Variants in CDK6 observed in about 807,000 individuals in gnomAD.
CDK6 encodes the protein cyclin dependent kinase 6.
CDK6 carries 6 observed loss-of-function variants against 37.1 expected under a neutral mutation model. The ratio of observed to expected loss-of-function variants is 0.16; its 90% CI spans 0.09 to 0.32. The LOEUF (loss-of-function observed/expected upper bound fraction) is 0.32. Ranked by LOEUF, CDK6 falls within the 10% of genes least tolerant of loss-of-function variation. The pLI is 1.00. For synonymous variants in CDK6, 160 were observed against 161.3 expected (o/e 0.99, Z 0.06); for missense variants, 224 against 418.9 (o/e 0.53, Z 4.06).
intron 2 of CDK6, among the ~76,000 whole-genome samples, chr7:92,819,381 T>TAA (rs908904478): frequency 6.6e-6 from 1 of 152,032 alleles, no homozygotes; most frequent in African/African-American, 2.4e-5. Context: ...GCAGGGGTCC[T>TAA]GGTAGAGGGA....
chr7:92,697,206 C>T (rs1418982733), intron 4 of CDK6, among the ~76,000 whole-genome samples: 2 of 152,130 alleles, frequency 1.3e-5, no homozygotes, highest in African/African-American at 4.8e-5. Flanking sequence ...CATTACAGAC[C>T]AAACAACCTG....
At chr7:92,733,330 G>C (rs1273829872) in intron 3 of CDK6, among the ~76,000 whole-genome samples, 1 of 152,084 alleles carries the variant, frequency 6.6e-6, no homozygotes, top group Non-Finnish European at 1.5e-5. Flanking sequence ...GGCTCATCCT[G>C]TTTACCCCAC....
chr7:92,680,742 T>A (rs899642919), intron 4 of CDK6, among the ~76,000 whole-genome samples: 1 of 152,200 alleles, frequency 6.6e-6, no homozygotes, highest in African/African-American at 2.4e-5. Flanking sequence ...TCCCATCACC[T>A]GCTATTGCTG....
chr7:92,752,184 C>T (rs1799205179), intron 3 of CDK6, among the ~76,000 whole-genome samples: 1 of 152,108 alleles, frequency 6.6e-6, no homozygotes, highest in Non-Finnish European at 1.5e-5. Context: ...GTCCTAGGCT[C>T]AGCTTTGAGA....
intron 3 of CDK6, among the ~76,000 whole-genome samples, chr7:92,766,080 T>C (rs181603217): frequency 1.1e-3 from 166 of 152,180 alleles, no homozygotes; most frequent in African/African-American, 3.4e-3. Context: ...CTAGATCATG[T>C]AGGACTTCTG....
At chr7:92,795,383 A>G (rs1217849061) in intron 2 of CDK6, among the ~76,000 whole-genome samples, 1 of 152,164 alleles carries the variant, frequency 6.6e-6, no homozygotes, top group Non-Finnish European at 1.5e-5. Context: ...TACATTCAGT[A>G]TACATTTGAG....
chr7:92,743,290 C>T (rs1368507801), intron 3 of CDK6, among the ~76,000 whole-genome samples: 1 of 151,604 alleles, frequency 6.6e-6, no homozygotes, highest in Admixed American at 6.6e-5. Context: ...GCAGGAGAAT[C>T]GCTTGAACCA....
At chr7:92,776,072 C>T (rs1799844757) in intron 2 of CDK6, among the ~76,000 whole-genome samples, 1 of 151,198 alleles carries the variant, frequency 6.6e-6, no homozygotes, top group Admixed American at 6.6e-5. Context: ...ACCCCCCCAC[C>T]CCGACAGGCC....
chr7:92,812,518 A>C (rs1800911611), intron 2 of CDK6, among the ~76,000 whole-genome samples: 1 of 151,946 alleles, frequency 6.6e-6, no homozygotes, highest in Non-Finnish European at 1.5e-5. Flanking sequence ...CCTAGGCTCA[A>C]GCCTTGATCT....
rs42034 is a variant in CDK6 at position 92,609,830 on chromosome 7, A to G, written c.*5310T>C. The G allele has an allele frequency of 0.2, 46,538 of 230,198 alleles. 5,391 individuals are homozygous for G. Among genetic ancestry groups the G allele is most frequent in the Middle Eastern group, 0.26 (199 of 768 alleles). The allele number at this position is 230,198 out of a possible 1,614,324, so 14.3% of individuals were successfully genotyped here. On this transcript the variant is annotated 3_prime_UTR_variant, in exon 8 of 8. Transcript: ENST00000424848. ...TCAAAAATTTTTTCTTGACTGAATG[A>G]ATGACTAGGCTTTCTTTACTTAAAT...
At chr7:92,688,581 TCACACA>T (rs35953301) in intron 4 of CDK6, among the ~76,000 whole-genome samples, 4,209 of 127,544 alleles carry the variant, frequency 0.033, 119 homozygotes, top group African/African-American at 0.063. Context: ...TACATATACA[TCACACA>T]CACACACACA....
At chr7:92,727,552 A>G (rs1259807705) in intron 3 of CDK6, among the ~76,000 whole-genome samples, 1 of 152,214 alleles carries the variant, frequency 6.6e-6, no homozygotes, top group African/African-American at 2.4e-5. Flanking sequence ...AACAGTAATT[A>G]TTAGGATGAT....
At chr7:92,806,162 G>GA (rs1800720405) in intron 2 of CDK6, among the ~76,000 whole-genome samples, 1 of 152,034 alleles carries the variant, frequency 6.6e-6, no homozygotes, top group Non-Finnish European at 1.5e-5. Flanking sequence ...CTATCTTCTT[G>GA]AAAAAAGCAT....
chr7:92,705,043 G>A (rs572469049), intron 4 of CDK6, among the ~76,000 whole-genome samples: 3 of 152,290 alleles, frequency 2.0e-5, no homozygotes, highest in Admixed American at 6.5e-5. Flanking sequence ...CTTTGCCATC[G>A]AACTGGTGAG....
chr7:92,605,506 TTTACG>T lies in CDK6; in HGVS notation c.*9629_*9633del, dbSNP rs1022512083. The T allele has an allele frequency of 4.3e-6, 1 of 232,940 alleles. No homozygotes were observed. Among genetic ancestry groups the T allele is most frequent in the African/African-American group, 2.2e-5 (1 of 45,342 alleles). 14.4% of individuals were successfully genotyped at this position (232,940 alleles called of 1,614,324 possible). Reference sequence around the variant, plus strand: ...TTTTGGTGGTCCTTGAATGACATATTTTACGTTACATATTTACCCTACTTTTCTAT... The same window carrying T: ...TTTTGGTGGTCCTTGAATGACATATTTTACATATTTACCCTACTTTTCTAT... On this transcript the variant is annotated 3_prime_UTR_variant, in exon 8 of 8. Transcript: ENST00000424848.
At chr7:92,672,230 C>CA (rs1434628011) in intron 4 of CDK6, among the ~76,000 whole-genome samples, 2 of 144,306 alleles carry the variant, frequency 1.4e-5, no homozygotes, top group African/African-American at 5.2e-5. Flanking sequence ...CACACACACA[C>CA]ACACACACAC....
At chr7:92,775,419 T>C (rs1026532547) in intron 2 of CDK6, among the ~76,000 whole-genome samples, 2 of 152,248 alleles carry the variant, frequency 1.3e-5, no homozygotes, top group Non-Finnish European at 2.9e-5. Flanking sequence ...TCCAATACCA[T>C]GTTAATCAAC....
At chr7:92,689,803 T>C (rs1797559487) in intron 4 of CDK6, among the ~76,000 whole-genome samples, 1 of 152,152 alleles carries the variant, frequency 6.6e-6, no homozygotes, top group African/African-American at 2.4e-5. Context: ...TCTGTTATTT[T>C]TGACTTTTTA....
chr7:92,704,006 C>A (rs1299670529), intron 4 of CDK6, among the ~76,000 whole-genome samples: 3 of 152,158 alleles, frequency 2.0e-5, no homozygotes, highest in African/African-American at 7.2e-5. Context: ...ACAGACCAAA[C>A]TCCCTCCTAC....
Sources: allele counts gnomAD v4.1 joint callset (sites outside exome capture counted in the v4.1 genomes callset), GRCh38; gene constraint gnomAD v4.1.1; transcripts MANE v1.5; gene names NCBI Gene and HGNC (gene_info 2026-07-23, HGNC 2026-07-21).